The following RELN variants were observed in gnomAD, a reference collection of about 807,000 sequenced individuals.
RELN encodes reelin.
In RELN, 108 loss-of-function variants were observed where a neutral mutation model predicts 427.6. The ratio of observed to expected loss-of-function variants is 0.25; its 90% CI spans 0.22 to 0.30. The LOEUF (loss-of-function observed/expected upper bound fraction) is 0.30. Among genes scored for constraint, RELN ranks in the 10% least tolerant of loss-of-function variants. The pLI is 1.00. For missense variants in RELN, 3,715 were observed against 4,302.8 expected (o/e 0.86, Z 3.82); for synonymous variants, 1,524 against 1,513.4 (o/e 1.01, Z -0.16).
At chr7:103,722,500 A>G (rs1012873819) in intron 8 of RELN, among the ~76,000 whole-genome samples, 1 of 152,138 alleles carries the variant, frequency 6.6e-6, no homozygotes, top group Non-Finnish European at 1.5e-5. Context: ...GTAAATTTAT[A>G]CAAGTTATTT....
rs757746187 is a variant in RELN at position 103,490,722 on chromosome 7, T to C, written c.9551A>G (p.Asn3184Ser). ...GGTGATTCTTTTCCAGCTTGAGCTGTTGACAGAGTTGTAGATGGTGGCTTC... is the reference window on the plus strand; with the variant it reads ...GGTGATTCTTTTCCAGCTTGAGCTGCTGACAGAGTTGTAGATGGTGGCTTC... Reference protein sequence around the residue: ...FHEATIYNSVNSSSWKRITIQ... With the variant: ...FHEATIYNSVSSSSWKRITIQ... Residue 3184 changes from asparagine (N) to serine (S), a missense_variant, in exon 59 of 65, where the codon AAC becomes AGC. Asn to Ser is a conservative substitution (Grantham distance 46). Around this residue, in one of 4 missense-constraint regions of RELN, gnomAD observed 1,310 missense variants for 1,643.0 expected, o/e 0.80. Coordinates refer to ENST00000428762, the MANE Select transcript of RELN (RefSeq NM_005045.4). 1 of 1,614,124 alleles carries C rather than the reference T, an allele frequency of 6.2e-7. No homozygotes were observed. The highest frequency in any genetic ancestry group is 8.5e-7 in the Non-Finnish European group (1 of 1,180,028).
Position 103,604,450 on chromosome 7 carries a change from G to C in RELN, c.3042C>G (p.Ser1014Arg). The change falls in exon 23 of 65, where the codon AGC (serine) becomes AGG (arginine). Residue 1014 changes from serine to arginine, a missense_variant. This residue lies in a region of RELN where 2,208 missense variants were observed against 2,361.7 expected (regional missense o/e 0.93). Transcript: ENST00000428762. The part of the protein sequence containing the change: ...SSATRFRWSQ[S>R]YYTAQDEWAL... The stretch of plus-strand genomic sequence containing the variant: ...CCCACTCGTCTTGAGCTGTGTAATA[G>C]CTCTGGCTCCAGCGGAAACGGGTAG... 6.2e-7 allele frequency: 1 copy of C among 1,613,954 alleles called. No individual in the cohort carries two copies. Among genetic ancestry groups the C allele is most frequent in the Non-Finnish European group, 8.5e-7 (1 of 1,179,880 alleles).
rs771153062 is a variant in RELN at position 103,473,093 on chromosome 7, A to T, written c.10287-185T>A. 7.7e-4 allele frequency: 547 copies of T among 706,598 alleles called. 1 individual carries two copies. Among genetic ancestry groups the T allele is most frequent in the Non-Finnish European group, 2.3e-4 (86 of 377,500 alleles). 43.8% of individuals were successfully genotyped at this position (706,598 alleles called of 1,614,324 possible). ...AGAGGAACTAAAGGCTGGGACCTATACTCACTGCCTTTGGCCTTGAAGAAA... is the reference window on the plus strand; with the variant it reads ...AGAGGAACTAAAGGCTGGGACCTATTCTCACTGCCTTTGGCCTTGAAGAAA... On this transcript the variant is annotated intron_variant, in intron 64 of 64. Transcript: ENST00000428762.
chr7:103,808,892 A>G (rs910638487), intron 3 of RELN, among the ~76,000 whole-genome samples: 2 of 152,194 alleles, frequency 1.3e-5, no homozygotes, highest in Non-Finnish European at 2.9e-5. Flanking sequence ...TCAATGACAT[A>G]AAGCAATAAA....
intron 6 of RELN, among the ~76,000 whole-genome samples, chr7:103,748,799 C>T (rs1426791216): frequency 6.6e-6 from 1 of 152,124 alleles, no homozygotes; most frequent in Non-Finnish European, 1.5e-5. Context: ...ATAGAAAATC[C>T]AAATTCAGAT....
intron 51 of RELN, among the ~76,000 whole-genome samples, 182 bp from the exon 52 acceptor site, chr7:103,503,412 G>A (rs1267181208): frequency 6.6e-6 from 1 of 152,164 alleles, no homozygotes; most frequent in African/African-American, 2.4e-5. Context: ...TGCCCCAGGT[G>A]ACAAATTATA....
intron 2 of RELN, among the ~76,000 whole-genome samples, chr7:103,894,066 G>A (rs777565062): frequency 8.6e-5 from 13 of 151,984 alleles, no homozygotes; most frequent in Non-Finnish European, 1.8e-4. Context: ...TGTTAAATGC[G>A]CATGTACAAC....
intron 39 of RELN, 47 bp from the exon 40 acceptor site, chr7:103,553,610 T>A: frequency 6.2e-7 from 1 of 1,612,932 alleles, no homozygotes; most frequent in East Asian, 2.2e-5. Flanking sequence ...CAAAAGTTCA[T>A]CATGATTTGT....
At position 103,515,400 on chromosome 7, in the gene RELN, G is replaced by A. The variant is rs759387967; in HGVS notation, c.7904C>T (p.Ala2635Val). The change falls in exon 50 of 65, where the codon GCC becomes GTC. Residue 2635 changes from alanine (A) to valine (V), a missense_variant. Physicochemically the swap from Ala to Val is moderately conservative, Grantham distance 64. Around this residue, in one of 4 missense-constraint regions of RELN, gnomAD observed 1,310 missense variants for 1,643.0 expected, o/e 0.80. Transcript: ENST00000428762. Reference sequence around the variant, plus strand: ...TGGCTGCCACCAGCGGAAGCGAGTGGCAATCTCTTTAGCATCAGGAGGGAG... The same window carrying A: ...TGGCTGCCACCAGCGGAAGCGAGTGACAATCTCTTTAGCATCAGGAGGGAG... ...ILLPPDAKEI[A>V]TRFRWWQPRH... 1.9e-6 allele frequency: 3 copies of A among 1,614,130 alleles called. No homozygotes were observed. The highest frequency in any genetic ancestry group is 2.5e-6 in the Non-Finnish European group (3 of 1,180,018).
chr7:103,832,707 T>C (rs1310080169), intron 3 of RELN, among the ~76,000 whole-genome samples: 1 of 152,112 alleles, frequency 6.6e-6, no homozygotes, highest in Non-Finnish European at 1.5e-5. Context: ...AGGATGCTCT[T>C]GAGAACACTG....
At position 103,590,562 on chromosome 7, in the gene RELN, C is replaced by CAATAAATAAATA. The variant is rs3056325; in HGVS notation, c.3913-746_3913-735dup. ...GTGACAGAGCCAGACTCCATCTCAACAATAAATAAATAAATAAATAAATAA... is the reference window on the plus strand; with the variant it reads ...GTGACAGAGCCAGACTCCATCTCAACAATAAATAAATAAATAAATAAATAAATAAATAAATAA... On this transcript the variant is annotated intron_variant, in intron 27 of 64. Transcript: ENST00000428762. 5.0e-4 allele frequency among the ~76,000 whole-genome samples: 18 copies of CAATAAATAAATA among 36,130 alleles called. 1 individual carries two copies. Among genetic ancestry groups the CAATAAATAAATA allele is most frequent in the African/African-American group, 9.9e-4 (11 of 11,120 alleles). The allele number at this position is 36,130 out of a possible 152,430, so 23.7% of individuals were successfully genotyped here.
chr7:103,507,547 A>G (rs1161506130), intron 51 of RELN, among the ~76,000 whole-genome samples: 1 of 152,228 alleles, frequency 6.6e-6, no homozygotes, highest in Non-Finnish European at 1.5e-5. Flanking sequence ...GTAGAGGGAA[A>G]TTTATAGCAC....
intron 5 of RELN, among the ~76,000 whole-genome samples, chr7:103,751,405 A>G (rs1219906933): frequency 1.3e-5 from 2 of 152,184 alleles, no homozygotes; most frequent in Admixed American, 1.3e-4. Flanking sequence ...CCTTTATACC[A>G]GGTAGGCCAG....
chr7:103,534,542 C>G lies in RELN; in HGVS notation c.7349+774G>C, dbSNP rs1584271362. On this transcript the variant is annotated intron_variant, in intron 46 of 64. Coordinates refer to ENST00000428762, the MANE Select transcript of RELN (RefSeq NM_005045.4). ...TGGCTCTGACACCCAAGCTGGAGTG[C>G]AGTGGCATGATCATAGCTCACTGCA... is the stretch of plus-strand genomic sequence containing the variant. Among the ~76,000 whole-genome samples, 6 of 152,034 alleles carry G rather than the reference C, an allele frequency of 3.9e-5. No individual in the cohort carries two copies. The South Asian group carries it at 1.2e-3, about 32-fold the overall frequency.
chr7:103,654,352 G>C lies in RELN; in HGVS notation c.1442-147C>G. The C allele has an allele frequency of 4.7e-6, 3 of 641,552 alleles. No individual in the cohort carries two copies. In the South Asian group the frequency reaches 5.1e-5, roughly 11 times the overall value. 39.7% of individuals were successfully genotyped at this position (641,552 alleles called of 1,614,324 possible). A position where few individuals can be genotyped will look rare whatever the true frequency, so the allele number is the denominator to read the frequency against. On this transcript the variant is annotated intron_variant, in intron 12 of 64. Transcript: ENST00000428762. The stretch of plus-strand genomic sequence containing the variant: ...CTAAACAAAGGTAAACAGACTCAAG[G>C]AAATAATTTATAACGATAGTTCAAG...
At chr7:103,660,580 G>C (rs966716755) in intron 12 of RELN, among the ~76,000 whole-genome samples, 4 of 152,196 alleles carry the variant, frequency 2.6e-5, no homozygotes, top group African/African-American at 9.6e-5. Flanking sequence ...GCTGAAGTTA[G>C]ACTCAGGAGA....
In RELN at chr7:103,610,798, G is replaced by C. The variant is rs747794244; in HGVS notation, c.2905C>G (p.Pro969Ala). Residue 969 changes from proline to alanine, a missense_variant, in exon 22 of 65, where the codon CCA becomes GCA. By Grantham distance (27) the Pro-to-Ala change is conservative. Transcript: ENST00000428762. ...TWHLVQEECL[P>A]SMPSCQEFTS... ...AATTCCTGACAACTTGGCATACTTG[G>C]AAGGCATTCCTGAAAGAAAGTTAGG... The C allele has an allele frequency of 2.4e-5, 39 of 1,598,738 alleles. No homozygotes were observed. The highest frequency in any genetic ancestry group is 3.3e-5 in the Non-Finnish European group (39 of 1,166,308).
chr7:103,649,611 G>A (rs1186997669), intron 16 of RELN, among the ~76,000 whole-genome samples: 1 of 151,782 alleles, frequency 6.6e-6, no homozygotes, highest in Non-Finnish European at 1.5e-5. Flanking sequence ...CAAAGAGTTG[G>A]TGATTAATAA....
At chr7:103,643,833 C>G (rs1208789378) in intron 16 of RELN, among the ~76,000 whole-genome samples, 3 of 151,946 alleles carry the variant, frequency 2.0e-5, no homozygotes, top group African/African-American at 7.2e-5. Flanking sequence ...CCACAAACTC[C>G]TGAAATCAAG....
Sources: allele counts gnomAD v4.1 joint callset (sites outside exome capture counted in the v4.1 genomes callset), GRCh38; gene constraint gnomAD v4.1.1; regional missense constraint gnomAD v4.1.1; transcripts MANE v1.5; gene names NCBI Gene and HGNC (gene_info 2026-07-23, HGNC 2026-07-21).